ABR: variants seen among roughly 807,000 people sequenced by gnomAD.
The protein encoded by ABR is ABR activator of RhoGEF and GTPase.
Under a neutral mutation model 107.2 loss-of-function variants are expected in ABR, and 35 were observed. The observed-to-expected ratio is 0.33, with a 90% CI of 0.25 to 0.43. The LOEUF is 0.43. Among genes scored for constraint, ABR ranks in the 20% least tolerant of loss-of-function variants. The pLI is 1.00. For missense variants in ABR, 815 were observed against 1,115.2 expected, an observed-to-expected ratio of 0.73 and a Z score of 3.83; for synonymous variants, 498 against 462.0, an observed-to-expected ratio of 1.08 and a Z score of -1.00.
intron 2 of ABR, among the ~76,000 whole-genome samples, chr17:1,112,621 A>AAGGAAGAGAGGAAGGAAGAG (rs1555584865): frequency 2.7e-5 from 4 of 149,226 alleles, no homozygotes; most frequent in African/African-American, 1.0e-4. Context: ...GGGAGGAAGG[A>AAGGAAGAGAGGAAGGAAGAG]AGGAAGGAAG....
intron 6 of ABR, among the ~76,000 whole-genome samples, chr17:1,076,727 GGTGGGGGGGGT>G (rs2035759556): frequency 8.1e-6 from 1 of 122,912 alleles, no homozygotes; most frequent in Non-Finnish European, 1.6e-5. Flanking sequence ...GGGGGGTGGG[GGTGGGGGGGGT>G]GGCGGCACTG....
chr17:1,075,063 G>A (rs567214851), intron 6 of ABR, among the ~76,000 whole-genome samples: 6 of 152,366 alleles, frequency 3.9e-5, no homozygotes, highest in Non-Finnish European at 5.9e-5. Context: ...CTGGGAGGAC[G>A]CAGGCAAGGC....
At chr17:1,189,350 CTTT>C (rs202096936), upstream of ABR, among the ~76,000 whole-genome samples, 2 of 137,680 alleles carry the variant, frequency 1.5e-5, no homozygotes, top group Non-Finnish European at 1.6e-5. Context: ...CTATGGCTTC[CTTT>C]TTTTTTTTTT....
At chr17:1,181,970 C>A (rs1261318832), upstream of ABR, 1 of 152,254 alleles carries the variant, frequency 6.6e-6, no homozygotes, top group Non-Finnish European at 1.5e-5. Context: ...TTTTTATCTA[C>A]AAAGGCTTGA....
At chr17:1,095,525 G>A (rs1223186601) in intron 3 of ABR, among the ~76,000 whole-genome samples, 1 of 152,138 alleles carries the variant, frequency 6.6e-6, no homozygotes, top group Non-Finnish European at 1.5e-5. Context: ...CCCACACTGA[G>A]CTTCGGCACG....
At chr17:1,053,461 G>A (rs1001084512) in intron 14 of ABR, among the ~76,000 whole-genome samples, 2 of 151,896 alleles carry the variant, frequency 1.3e-5, no homozygotes, top group African/African-American at 4.8e-5. Context: ...GGGTCAGAGC[G>A]AGGGTTCCGG....
At chr17:1,067,768 C>G (rs1164170702) in intron 9 of ABR, among the ~76,000 whole-genome samples, 1 of 152,124 alleles carries the variant, frequency 6.6e-6, no homozygotes, top group East Asian at 1.9e-4. Flanking sequence ...TGATGTCTGC[C>G]ATGGCAAAGG....
rs545131491 is a variant in ABR, at chr17:1,157,249, CTTTT to C, written c.61+22414_61+22417del. On this transcript the variant is annotated intron_variant, in intron 1 of 22. Coordinates refer to ENST00000302538, the MANE Select transcript of ABR (RefSeq NM_021962.5). The surrounding 1 kb of genome is among the most constrained non-coding windows in gnomAD (Gnocchi z 4.7). ...GTCAGTCGTGCTACAGCGCACATTA[CTTTT>C]TTTTTTTTTTTTTTTGAGATGAAGT... Among the ~76,000 whole-genome samples, 2 of 121,782 alleles carry C rather than the reference CTTTT, an allele frequency of 1.6e-5. No homozygotes were observed. Among genetic ancestry groups the C allele is most frequent in the Non-Finnish European group, 1.7e-5 (1 of 57,790 alleles). 79.9% of individuals were successfully genotyped at this position (121,782 alleles called of 152,430 possible). A position where few individuals can be genotyped will look rare whatever the true frequency, so the allele number is the denominator to read the frequency against.
chr17:1,219,035 C>CTGTT (rs562534709), intron 1 of ABR, among the ~76,000 whole-genome samples: 74 of 145,300 alleles, frequency 5.1e-4, no homozygotes, highest in African/African-American at 1.7e-3. Flanking sequence ...CCTTTTCTAT[C>CTGTT]TGTTTGTTTG....
In ABR at chr17:1,150,897, C is replaced by CAT. The variant is rs983908519; in HGVS notation, c.62-25532_62-25531dup. On this transcript the variant is annotated intron_variant, in intron 1 of 22. Coordinates refer to ENST00000302538, the MANE Select transcript of ABR (RefSeq NM_021962.5). This position sits in a 1 kb window ranked among gnomAD's most constrained non-coding sequence, Gnocchi z 4.8. ...TGAGCTACTGGTGCGCGTATGTGTG[C>CAT]ATATATATACACATGTGCACACACA... 1.3e-5 allele frequency among the ~76,000 whole-genome samples: 2 copies of CAT among 152,124 alleles called. No individual in the cohort carries two copies. The highest frequency in any genetic ancestry group is 2.4e-5 in the African/African-American group (1 of 41,428).
At position 1,011,261 on chromosome 17, in the gene ABR, G is replaced by A. The variant is rs1300291787; in HGVS notation, c.2102-398C>T. Reference sequence around the variant, plus strand: ...GTTCCGACAAAGCCTCAGCTTCTAGGCTGCACAGAGGCACCAACGCCGGCC... The same window carrying A: ...GTTCCGACAAAGCCTCAGCTTCTAGACTGCACAGAGGCACCAACGCCGGCC... On this transcript the variant is annotated intron_variant, in intron 19 of 22. Transcript: ENST00000302538. This position sits in a 1 kb window ranked among gnomAD's most constrained non-coding sequence, Gnocchi z 4.8. 4.5e-6 allele frequency: 1 copy of A among 220,404 alleles called. No homozygotes were observed. The highest frequency in any genetic ancestry group is 9.2e-6 in the Non-Finnish European group (1 of 108,508). 13.7% of individuals were successfully genotyped at this position (220,404 alleles called of 1,614,324 possible). A position where few individuals can be genotyped will look rare whatever the true frequency, so the allele number is the denominator to read the frequency against.
intron 1 of ABR, chr17:1,228,218 G>A (rs1451681884): frequency 6.6e-6 from 1 of 152,386 alleles, no homozygotes; most frequent in Non-Finnish European, 1.5e-5. Flanking sequence ...CTTCTAAGAA[G>A]AAAACGAGTC....
intron 1 of ABR, among the ~76,000 whole-genome samples, chr17:1,127,039 G>C (rs2039633216): frequency 6.6e-6 from 1 of 152,224 alleles, no homozygotes; most frequent in South Asian, 2.1e-4. Context: ...CAGGTCACCG[G>C]GACGCCTGGC....
At chr17:1,057,310 GTGTGTGTGTGTGTGTGT>G (rs2033413511) in intron 12 of ABR, among the ~76,000 whole-genome samples, 1 of 1,796 alleles carries the variant, frequency 5.6e-4, no homozygotes, top group African/African-American at 1.6e-3. Context: ...GAAGAGGTTT[GTGTGTGTGTGTGTGTGT>G]GTGTGTGTGT....
chr17:1,173,087 C>A (rs1303641974), intron 1 of ABR, among the ~76,000 whole-genome samples: 32 of 52,362 alleles, frequency 6.1e-4, no homozygotes, highest in African/African-American at 1.6e-3. Flanking sequence ...AGTCCACCCC[C>A]CCCATCATCT....
At chr17:1,043,257 T>G (rs2030964544) in intron 16 of ABR, among the ~76,000 whole-genome samples, 1 of 152,084 alleles carries the variant, frequency 6.6e-6, no homozygotes, top group African/African-American at 2.4e-5. Context: ...AACCTCTGCC[T>G]CCCAGGTTCA....
At chr17:1,109,480 G>A (rs1016666045) in intron 2 of ABR, among the ~76,000 whole-genome samples, 1 of 152,098 alleles carries the variant, frequency 6.6e-6, no homozygotes, top group Non-Finnish European at 1.5e-5. Context: ...GTCCTCTGGG[G>A]TTGCGGGGCC....
chr17:1,134,704 G>A (rs1353498942), intron 1 of ABR, among the ~76,000 whole-genome samples: 1 of 152,210 alleles, frequency 6.6e-6, no homozygotes. Flanking sequence ...GGCAACACTC[G>A]GGGAGGGGAG....
chr17:1,073,627 G>A lies in ABR; in HGVS notation c.751C>T (p.His251Tyr). 2 of 1,589,204 alleles carry A rather than the reference G, an allele frequency of 1.3e-6. No individual in the cohort carries two copies. The highest frequency in any genetic ancestry group is 1.7e-6 in the Non-Finnish European group (2 of 1,164,550). ...DRVTRSTLVL[H>Y]DLLKHTPVDH... Reference sequence around the variant, plus strand: ...CCATTCGGAGGCTTGACACTCACGTGTAGGACTAGGGTGCTCCGAGTGACC... The same window carrying A: ...CCATTCGGAGGCTTGACACTCACGTATAGGACTAGGGTGCTCCGAGTGACC... Residue 251 changes from histidine to tyrosine, a missense_variant and splice_region_variant, in exon 7 of 23, where the codon CAC becomes TAC. Physicochemically the swap from His to Tyr is moderately conservative, Grantham distance 83. Coordinates refer to ENST00000302538, the MANE Select transcript of ABR (RefSeq NM_021962.5).
Sources: gnomAD v4.1 joint callset for allele counts (sites outside exome capture counted in the v4.1 genomes callset) on GRCh38, gnomAD v4.1.1 for gene constraint, Gnocchi (gnomAD v3.1) non-coding constraint, MANE v1.5 for transcripts, NCBI Gene and HGNC (gene_info 2026-07-23, HGNC 2026-07-21) for gene names.